Variants in ZUP1 observed in about 807,000 individuals in gnomAD.
ZUP1 encodes zinc finger containing ubiquitin peptidase 1.
In ZUP1, 55 loss-of-function variants were observed where a neutral mutation model predicts 68.1. That is an observed-to-expected ratio of 0.81 (90% CI 0.65 to 1.01). The LOEUF (loss-of-function observed/expected upper bound fraction) is 1.01. Ranked by LOEUF, ZUP1 falls within the 50% of genes least tolerant of loss-of-function variation. The pLI is 0.00. For synonymous variants in ZUP1, 223 were observed against 221.5 expected (o/e 1.01, Z -0.06); for missense variants, 684 against 674.9 (o/e 1.01, Z -0.15).
At chr6:116,660,891 AT>A (rs747714483) in intron 2 of ZUP1, 45 bp from the exon 3 acceptor site, 9 of 1,184,834 alleles carry the variant, frequency 7.6e-6, no homozygotes, top group Middle Eastern at 2.6e-4. Context: ...TTTTATTTTA[AT>A]TTTTTTCTTT....
chr6:116,648,596 A>G (rs752584166), intron 7 of ZUP1, among the ~76,000 whole-genome samples: 1 of 152,210 alleles, frequency 6.6e-6, no homozygotes, highest in Non-Finnish European at 1.5e-5. Flanking sequence ...CATGTAAATA[A>G]CTACTAAACA....
chr6:116,650,677 A>T (rs1301804643), intron 7 of ZUP1, among the ~76,000 whole-genome samples: 2 of 152,184 alleles, frequency 1.3e-5, no homozygotes, highest in African/African-American at 4.8e-5. Flanking sequence ...CTATGAATCA[A>T]GGTTAGGCAG....
At chr6:116,654,753 A>G (rs1268175278) in intron 5 of ZUP1, among the ~76,000 whole-genome samples, 1 of 152,060 alleles carries the variant, frequency 6.6e-6, no homozygotes, top group African/African-American at 2.4e-5. Context: ...GAGAATAGAG[A>G]AAGGAAGAGA....
At chr6:116,646,013 G>A in intron 8 of ZUP1, 79 bp from the exon 9 acceptor site, 1 of 972,698 alleles carries the variant, frequency 1.0e-6, no homozygotes, top group South Asian at 1.7e-5. Context: ...TATGTTGTGT[G>A]ATCATATGTG....
At chr6:116,647,433 C>T in intron 8 of ZUP1, 26 bp downstream of exon 8, 1 of 1,481,888 alleles carries the variant, frequency 6.7e-7, no homozygotes, top group East Asian at 2.4e-5. Context: ...ACAACATTGT[C>T]AAATATGAGT....
At chr6:116,647,676 C>A in intron 7 of ZUP1, 66 bp from the exon 8 acceptor site, 2 of 1,233,658 alleles carry the variant, frequency 1.6e-6, no homozygotes, top group South Asian at 4.6e-5. Context: ...ATGGAGTTAT[C>A]AAATACAACA....
At position 116,667,045 on chromosome 6, in the gene ZUP1, T is replaced by C; in HGVS notation, c.148A>G (p.Thr50Ala). The C allele has an allele frequency of 6.2e-7, 1 of 1,613,786 alleles. No individual in the cohort carries two copies. Among genetic ancestry groups the C allele is most frequent in the Non-Finnish European group, 8.5e-7 (1 of 1,179,856 alleles). Residue 50 changes from threonine to alanine, a missense_variant, in exon 2 of 10, where the codon ACA (threonine) becomes GCA (alanine). Thr to Ala is a moderately conservative substitution (Grantham distance 58). Coordinates refer to ENST00000368576, the MANE Select transcript of ZUP1 (RefSeq NM_145062.3). ...NYDEMCFHIE[T>A]AHFEQNTLER... ...AGTGTATTCTGCTCAAAATGAGCTG[T>C]TTCGATATGAAAACACATTTCATCA...
rs139721376 is a variant in ZUP1, at chr6:116,637,489, C to T, written c.1690-1610G>A. ...GTGTTATACATTGTTAGCCAAGTTACGATTCTTACAGTTAAAGCACAGCTA... is the reference window on the plus strand; with the variant it reads ...GTGTTATACATTGTTAGCCAAGTTATGATTCTTACAGTTAAAGCACAGCTA... On this transcript the variant is annotated intron_variant, in intron 9 of 9. Transcript: ENST00000368576. 6.6e-3 allele frequency among the ~76,000 whole-genome samples: 997 copies of T among 152,190 alleles called. 26 individuals carry two copies. In the South Asian group the frequency reaches 0.088, roughly 13 times the overall value.
intron 5 of ZUP1, among the ~76,000 whole-genome samples, chr6:116,655,827 G>T (rs1776646399): frequency 6.6e-6 from 1 of 152,144 alleles, no homozygotes; most frequent in African/African-American, 2.4e-5. Flanking sequence ...AGAGTTGTTA[G>T]TGTCTAAAAA....
In ZUP1 at chr6:116,652,303, C is replaced by T. The variant is rs950778120; in HGVS notation, c.962-111G>A. ...GCACCATACCTAAATCCTGTTAATT[C>T]CATCTTCTTCACCTTCTTCTTGCTA... is the stretch of plus-strand genomic sequence containing the variant. On this transcript the variant is annotated intron_variant, in intron 5 of 9. Coordinates refer to ENST00000368576, the MANE Select transcript of ZUP1 (RefSeq NM_145062.3). 1.2e-5 allele frequency: 10 copies of T among 801,078 alleles called. No individual in the cohort carries two copies. In the African/African-American group the frequency reaches 1.6e-4, roughly 13 times the overall value. The allele number at this position is 801,078 out of a possible 1,614,324, so 49.6% of individuals were successfully genotyped here. A position where few individuals can be genotyped will look rare whatever the true frequency, so the allele number is the denominator to read the frequency against.
chr6:116,644,062 T>C (rs1234413571), intron 9 of ZUP1, among the ~76,000 whole-genome samples: 1 of 152,304 alleles, frequency 6.6e-6, no homozygotes, highest in Middle Eastern at 3.4e-3. Flanking sequence ...AGAAGACATT[T>C]ATGCAGCCAA....
Position 116,645,802 on chromosome 6 carries a change from T to C in ZUP1, c.1601A>G (p.Lys534Arg). The C allele has an allele frequency of 6.2e-7, 1 of 1,613,978 alleles. No individual in the cohort carries two copies. Among genetic ancestry groups the C allele is most frequent in the Non-Finnish European group, 8.5e-7 (1 of 1,179,930 alleles). The change falls in exon 9 of 10, where the codon AAG becomes AGG. Residue 534 changes from lysine to arginine, a missense_variant. Physicochemically the swap from Lys to Arg is conservative, Grantham distance 26. Coordinates refer to ENST00000368576, the MANE Select transcript of ZUP1 (RefSeq NM_145062.3). ...ATTTCCCATAGATTTCCGAAGTTGC[T>C]TGAGACTGCTAGCCTCTATGTCTTG... ...LKQDIEASSL[K>R]QLRKSMGNLK...
chr6:116,660,571 TA>T (rs765488307), intron 3 of ZUP1, among the ~76,000 whole-genome samples, 164 bp downstream of exon 3: 13 of 152,368 alleles, frequency 8.5e-5, no homozygotes, highest in Non-Finnish European at 1.8e-4. Context: ...AATATTCAGA[TA>T]CTTCTAGCTG....
chr6:116,639,285 G>A (rs1176453667), intron 9 of ZUP1, among the ~76,000 whole-genome samples: 1 of 152,254 alleles, frequency 6.6e-6, no homozygotes, highest in Non-Finnish European at 1.5e-5. Flanking sequence ...AAAGACAGCA[G>A]TAACCTCTGC....
chr6:116,652,272 C>A, intron 5 of ZUP1, 80 bp from the exon 6 acceptor site: 1 of 1,049,180 alleles, frequency 9.5e-7, no homozygotes, highest in South Asian at 1.6e-5. Flanking sequence ...TCAACCTCTC[C>A]TTCACGCACC....
At chr6:116,645,594 A>AG in intron 9 of ZUP1, 120 bp downstream of exon 9, 1 of 789,042 alleles carries the variant, frequency 1.3e-6, no homozygotes, top group East Asian at 2.9e-5. Context: ...AAAAAAAAAA[A>AG]AAAAAAAGAA....
intron 7 of ZUP1, among the ~76,000 whole-genome samples, chr6:116,650,503 T>G (rs1776457127): frequency 6.6e-6 from 1 of 151,372 alleles, no homozygotes; most frequent in African/African-American, 2.4e-5. Context: ...ACATTATAAT[T>G]ATCAAACAAC....
chr6:116,667,099 G>A lies in ZUP1; in HGVS notation c.94C>T (p.Pro32Ser), dbSNP rs1289664508. 1.9e-6 allele frequency: 3 copies of A among 1,613,406 alleles called. No homozygotes were observed. ...TTCACACCTGACAACTTGCAAAATG[G>A]ACATATAATTTCACTTTCCATGTGA... is the stretch of plus-strand genomic sequence containing the variant. ...IVHMESEIIC[P>S]FCKLSGVNYD... The change falls in exon 2 of 10, where the codon CCA (proline) becomes TCA (serine). Residue 32 changes from proline to serine, a missense_variant. Physicochemically the swap from Pro to Ser is moderately conservative, Grantham distance 74. Transcript: ENST00000368576.
rs756284040 is a variant in ZUP1 at position 116,658,784 on chromosome 6, T to G, written c.792+19A>C. On this transcript the variant is annotated intron_variant, in intron 4 of 9. Coordinates refer to ENST00000368576, the MANE Select transcript of ZUP1 (RefSeq NM_145062.3). ...ACTTTACCAAATCAAAATATTATAA[T>G]TGTTATTAATCTTTGTACCTGCAGC... 2.6e-6 allele frequency: 4 copies of G among 1,538,070 alleles called. No homozygotes were observed. The highest frequency in any genetic ancestry group is 3.5e-6 in the Non-Finnish European group (4 of 1,129,134).
Sources: gnomAD v4.1 joint callset for allele counts (sites outside exome capture counted in the v4.1 genomes callset) on GRCh38, gnomAD v4.1.1 for gene constraint, MANE v1.5 for transcripts, NCBI Gene and HGNC (gene_info 2026-07-23, HGNC 2026-07-21) for gene names.